The following HOGA1 variants were observed in gnomAD, a reference collection of about 807,000 sequenced individuals.
The protein encoded by HOGA1 is 4-hydroxy-2-oxoglutarate aldolase, mitochondrial.
A neutral mutation model predicts 34.3 loss-of-function variants in HOGA1; 30 were observed. That is an observed-to-expected ratio of 0.87 (90% CI 0.65 to 1.19). The LOEUF (loss-of-function observed/expected upper bound fraction) is 1.19. Among genes scored for constraint, HOGA1 ranks in the 50% most tolerant of loss-of-function variants. The pLI, the probability that HOGA1 is intolerant of heterozygous loss-of-function variation, is 0.00. For synonymous variants in HOGA1, 161 were observed against 174.0 expected, an observed-to-expected ratio of 0.93 and a Z score of 0.59; for missense variants, 417 against 436.5, an observed-to-expected ratio of 0.96 and a Z score of 0.40.
intron 6 of HOGA1, among the ~76,000 whole-genome samples, chr10:97,609,577 T>C (rs75539776): frequency 0.012 from 1,770 of 152,184 alleles, 42 homozygotes; most frequent in African/African-American, 0.04. Flanking sequence ...TTGATGTCAC[T>C]CTATTGCCCA....
chr10:97,594,813 G>A (rs1174298038), intron 1 of HOGA1, among the ~76,000 whole-genome samples: 1 of 152,142 alleles, frequency 6.6e-6, no homozygotes, highest in Non-Finnish European at 1.5e-5. Flanking sequence ...TTATAGGAGA[G>A]GTCAGATTGA....
At chr10:97,605,856 A>C (rs1476824408) in intron 6 of HOGA1, among the ~76,000 whole-genome samples, 1 of 152,152 alleles carries the variant, frequency 6.6e-6, no homozygotes. Flanking sequence ...TGGCTTGTAA[A>C]TATCTTTTCC....
intron 1 of HOGA1, among the ~76,000 whole-genome samples, chr10:97,595,061 C>A (rs919230923): frequency 6.6e-6 from 1 of 152,284 alleles, no homozygotes; most frequent in African/African-American, 2.4e-5. Flanking sequence ...TTCTTTTTAG[C>A]CACAGTAAGT....
intron 6 of HOGA1, among the ~76,000 whole-genome samples, chr10:97,607,414 T>TACTG (rs2041165713): frequency 6.6e-6 from 1 of 152,188 alleles, no homozygotes; most frequent in African/African-American, 2.4e-5. Context: ...GTAGAGCAGT[T>TACTG]ACTGTCTGAA....
At chr10:97,598,999 T>C in intron 2 of HOGA1, 90 bp from the exon 3 acceptor site, 1 of 1,607,148 alleles carries the variant, frequency 6.2e-7, no homozygotes, top group Non-Finnish European at 8.5e-7. Flanking sequence ...TTCTGCCTCT[T>C]CTGGGACATG....
intron 5 of HOGA1, among the ~76,000 whole-genome samples, chr10:97,601,430 C>T (rs2041115565): frequency 6.6e-6 from 1 of 152,170 alleles, no homozygotes; most frequent in Non-Finnish European, 1.5e-5. Flanking sequence ...TCTCTGGTTG[C>T]ATCCACTGGG....
intron 1 of HOGA1, among the ~76,000 whole-genome samples, chr10:97,598,549 G>A (rs1299322062): frequency 6.6e-6 from 1 of 152,182 alleles, no homozygotes; most frequent in African/African-American, 2.4e-5. Context: ...CGAAACTGCA[G>A]CAAGCTATGG....
chr10:97,611,989 C>A lies in HOGA1; in HGVS notation c.*330C>A. On this transcript the variant is annotated 3_prime_UTR_variant, in exon 7 of 7. Transcript: ENST00000370646. ...AAGTCAGAAAGGAAGGGCAGAGGGGCAAGTAGGCACAGTAAGGGAATTTTC... is the reference window on the plus strand; with the variant it reads ...AAGTCAGAAAGGAAGGGCAGAGGGGAAAGTAGGCACAGTAAGGGAATTTTC... 6.9e-6 allele frequency: 2 copies of A among 289,984 alleles called. No homozygotes were observed. The highest frequency in any genetic ancestry group is 6.5e-5 in the South Asian group (1 of 15,476). 18.0% of individuals were successfully genotyped at this position (289,984 alleles called of 1,614,324 possible). A position where few individuals can be genotyped will look rare whatever the true frequency, so the allele number is the denominator to read the frequency against.
In HOGA1 at chr10:97,599,132, C is replaced by T. The variant is rs748436959; in HGVS notation, c.384C>T (p.Val128=). The T allele has an allele frequency of 3.1e-6, 5 of 1,613,606 alleles. No individual in the cohort carries two copies. The highest frequency in any genetic ancestry group is 2.2e-5 in the South Asian group (2 of 91,076). Residue 128 remains valine (V), a synonymous_variant, in exon 3 of 7, where the codon GTC becomes GTT. Coordinates refer to ENST00000370646, the MANE Select transcript of HOGA1 (RefSeq NM_138413.4). The part of the protein sequence containing the change: ...TVEMTVSMAQ[V]GADAAMVVTP... Reference sequence around the variant, plus strand: ...AGATGACCGTCAGCATGGCCCAGGTCGGGGCTGACGCGGCCATGGTGGTGA... The same window carrying T: ...AGATGACCGTCAGCATGGCCCAGGTTGGGGCTGACGCGGCCATGGTGGTGA...
Position 97,601,936 on chromosome 10 carries a change from G to A in HOGA1, c.780G>A (p.Gly260=), listed in dbSNP as rs140510222. 3 of 1,613,012 alleles carry A rather than the reference G, an allele frequency of 1.9e-6. No individual in the cohort carries two copies. The highest frequency in any genetic ancestry group is 2.5e-6 in the Non-Finnish European group (3 of 1,179,964). ...AGCTGGAGCGACTGTGCTGCACGGGGCAATGGGAAGATGCCCAGAAACTGC... is the reference window on the plus strand; with the variant it reads ...AGCTGGAGCGACTGTGCTGCACGGGACAATGGGAAGATGCCCAGAAACTGC... ...VCQLERLCCT[G]QWEDAQKLQH... The change falls in exon 6 of 7, where the codon GGG becomes GGA. Residue 260 remains glycine, a synonymous_variant. Transcript: ENST00000370646.
intron 6 of HOGA1, among the ~76,000 whole-genome samples, chr10:97,608,145 A>T (rs554388657): frequency 6.6e-6 from 1 of 152,126 alleles, no homozygotes; most frequent in East Asian, 1.9e-4. Context: ...TTTTGTCTTT[A>T]GTAAAAATAA....
chr10:97,603,904 A>T lies in HOGA1; in HGVS notation c.834+1914A>T, dbSNP rs2041139505. 1.3e-5 allele frequency among the ~76,000 whole-genome samples: 2 copies of T among 152,246 alleles called. No homozygotes were observed. The highest frequency in any genetic ancestry group is 2.9e-5 in the Non-Finnish European group (2 of 68,042). On this transcript the variant is annotated intron_variant, in intron 6 of 6. Transcript: ENST00000370646. The surrounding 1 kb of genome is among the most constrained non-coding windows in gnomAD (Gnocchi z 4.5). ...AATTATAGATTCCCATGCAACTTTA[A>T]GAACTAATACAAAGGGATCCCATGT...
chr10:97,584,652 C>T lies in HOGA1; in HGVS notation c.-52C>T. The T allele has an allele frequency of 6.9e-7, 1 of 1,457,616 alleles. No homozygotes were observed. The highest frequency in any genetic ancestry group is 9.4e-7 in the Non-Finnish European group (1 of 1,058,864). The allele number at this position is 1,457,616 out of a possible 1,614,324, so 90.3% of individuals were successfully genotyped here. A position where few individuals can be genotyped will look rare whatever the true frequency, so the allele number is the denominator to read the frequency against. ...AATAGGGGGTTAGAAAGAGTTCAAA[C>T]TAAGTCTCACTCTGGGACATAGACC... On this transcript the variant is annotated 5_prime_UTR_variant, in exon 1 of 7. Coordinates refer to ENST00000370646, the MANE Select transcript of HOGA1 (RefSeq NM_138413.4).
intron 6 of HOGA1, chr10:97,602,488 G>C (rs954465708): frequency 1.0e-6 from 1 of 985,186 alleles, no homozygotes; most frequent in Non-Finnish European, 1.2e-6. Flanking sequence ...ATTCTTTGTT[G>C]GGCAAGCAAA....
At chr10:97,587,749 G>A (rs544075721) in intron 1 of HOGA1, among the ~76,000 whole-genome samples, 13 of 152,052 alleles carry the variant, frequency 8.5e-5, no homozygotes, top group African/African-American at 1.7e-4. Flanking sequence ...CTCACGGTCC[G>A]CCGGCCTCGG....
intron 6 of HOGA1, among the ~76,000 whole-genome samples, chr10:97,604,952 G>C (rs1034474263): frequency 1.3e-5 from 2 of 152,150 alleles, no homozygotes; most frequent in African/African-American, 4.8e-5. Flanking sequence ...CTGCACTCCA[G>C]CCTGGGTGAC....
chr10:97,597,995 A>T (rs1273048852), intron 1 of HOGA1, among the ~76,000 whole-genome samples: 1 of 152,254 alleles, frequency 6.6e-6, no homozygotes, highest in Non-Finnish European at 1.5e-5. Context: ...AGGTGCACAT[A>T]GCTATGACTC....
Position 97,584,695 on chromosome 10 carries a change from C to G in HOGA1, c.-9C>G. ...CATAGACCAATTGTGCTTCAGGCCT[C>G]CTGCAGAGATGCTGGGTCCCCAAGT... On this transcript the variant is annotated 5_prime_UTR_variant, in exon 1 of 7. Transcript: ENST00000370646. 1 of 1,608,062 alleles carries G rather than the reference C, an allele frequency of 6.2e-7. No homozygotes were observed. The highest frequency in any genetic ancestry group is 2.2e-5 in the East Asian group (1 of 44,778).
At chr10:97,610,611 C>T (rs961618609) in intron 6 of HOGA1, among the ~76,000 whole-genome samples, 6 of 152,152 alleles carry the variant, frequency 3.9e-5, no homozygotes, top group Admixed American at 2.6e-4. Flanking sequence ...ATGGCGAAGC[C>T]CTGTCTCTAC....
Sources: gnomAD v4.1 joint callset for allele counts (sites outside exome capture counted in the v4.1 genomes callset) on GRCh38, gnomAD v4.1.1 for gene constraint, Gnocchi (gnomAD v3.1) non-coding constraint, MANE v1.5 for transcripts, NCBI Gene and HGNC (gene_info 2026-07-23, HGNC 2026-07-21) for gene names.